Variants in MAF observed in about 807,000 individuals in gnomAD.
The protein encoded by MAF is transcription factor Maf.
MAF carries 10 observed loss-of-function variants against 22.0 expected under a neutral mutation model. The observed-to-expected ratio is 0.45, with a 90% CI of 0.28 to 0.77. MAF has a LOEUF of 0.77. Ranked by LOEUF, MAF falls within the 30% of genes least tolerant of loss-of-function variation. The probability of loss-of-function intolerance (pLI) is 0.12; values close to 1 mark genes in which losing one functional copy is unlikely to be tolerated. For missense variants in MAF, 544 were observed against 548.4 expected, an observed-to-expected ratio of 0.99 and a Z score of 0.08; for synonymous variants, 337 against 255.8, an observed-to-expected ratio of 1.32 and a Z score of -3.03.
chr16:79,370,469 A>G, the MAF span, among the ~76,000 whole-genome samples: 1 of 152,220 alleles, frequency 6.6e-6, no homozygotes, highest in Non-Finnish European at 1.5e-5. Context: ...ACTCAAAGGC[A>G]ACAAAACCAT....
the MAF span, among the ~76,000 whole-genome samples, chr16:79,324,800 T>C: frequency 2.6e-5 from 4 of 152,216 alleles, no homozygotes; most frequent in South Asian, 8.3e-4. Flanking sequence ...GCCACAAACT[T>C]GGTGGCTTAA....
chr16:79,387,553 C>A, the MAF span, among the ~76,000 whole-genome samples: 4 of 152,070 alleles, frequency 2.6e-5, no homozygotes, highest in Admixed American at 2.0e-4. Flanking sequence ...AAGGCAATGG[C>A]GACCAGTGCA....
chr16:79,422,810 C>A, the MAF span, among the ~76,000 whole-genome samples: 1 of 152,148 alleles, frequency 6.6e-6, no homozygotes, highest in East Asian at 1.9e-4. Context: ...AAAAATAATG[C>A]AATTACTTTT....
At chr16:79,407,226 C>T in the MAF span, among the ~76,000 whole-genome samples, 2 of 152,140 alleles carry the variant, frequency 1.3e-5, no homozygotes, top group African/African-American at 4.8e-5. Context: ...GTCCTGGACG[C>T]GTTGCGCAAG....
At chr16:79,248,533 G>T in the MAF span, among the ~76,000 whole-genome samples, 1 of 152,124 alleles carries the variant, frequency 6.6e-6, no homozygotes, top group South Asian at 2.1e-4. Context: ...TGTAACATGG[G>T]TTGGACTGAT....
At chr16:79,534,174 A>G in the MAF span, among the ~76,000 whole-genome samples, 1 of 152,220 alleles carries the variant, frequency 6.6e-6, no homozygotes, top group South Asian at 2.1e-4. Context: ...CTTCTTCCTT[A>G]CCTTTGAAGT....
chr16:79,299,260 C>T, the MAF span, among the ~76,000 whole-genome samples: 3 of 150,986 alleles, frequency 2.0e-5, no homozygotes, highest in East Asian at 1.9e-4. Context: ...ATCCCAGGAA[C>T]GCCTAGCTCA....
In MAF at chr16:79,599,890, G is replaced by T. The variant is rs2143820257; in HGVS notation, c.13C>A (p.Leu5Met). 6.3e-7 allele frequency: 1 copy of T among 1,596,856 alleles called. No homozygotes were observed. Among genetic ancestry groups the T allele is most frequent in the Non-Finnish European group, 8.5e-7 (1 of 1,178,146 alleles). MASELAMSNSDLPTS... is the reference protein window; with the variant it reads MASEMAMSNSDLPTS... ...GGCAGGTCGGAGTTGCTCATTGCCA[G>T]TTCTGATGCCATTCTCCTGCCGCCG... is the stretch of plus-strand genomic sequence containing the variant. The change falls in exon 1 of 2, where the codon CTG becomes ATG. Residue 5 changes from leucine to methionine, a missense_variant. Physicochemically the swap from Leu to Met is conservative, Grantham distance 15. Coordinates refer to ENST00000326043, the MANE Select transcript of MAF (RefSeq NM_005360.5).
chr16:79,410,028 T>C, the MAF span, among the ~76,000 whole-genome samples: 3 of 152,178 alleles, frequency 2.0e-5, no homozygotes, highest in African/African-American at 7.2e-5. Flanking sequence ...GTACACAAGA[T>C]TGAAAACCTA....
At chr16:79,464,704 C>T in the MAF span, among the ~76,000 whole-genome samples, 1 of 152,148 alleles carries the variant, frequency 6.6e-6, no homozygotes, top group Non-Finnish European at 1.5e-5. Context: ...ACAAGCTACA[C>T]CATGGGTCAG....
chr16:79,446,408 G>A, the MAF span, among the ~76,000 whole-genome samples: 2 of 152,064 alleles, frequency 1.3e-5, no homozygotes, highest in African/African-American at 4.8e-5. Flanking sequence ...GACAGCCCCA[G>A]GTTACACCTG....
the MAF span, among the ~76,000 whole-genome samples, chr16:79,480,033 C>A: frequency 6.6e-6 from 1 of 152,130 alleles, no homozygotes; most frequent in Admixed American, 6.5e-5. Flanking sequence ...CATAGACACC[C>A]ATTCTACTCT....
the MAF span, among the ~76,000 whole-genome samples, chr16:79,335,445 T>A: frequency 0.015 from 2,302 of 152,266 alleles, 24 homozygotes; most frequent in Non-Finnish European, 0.025. Flanking sequence ...TATATTTGTA[T>A]TCAATTCAAT....
At chr16:79,489,318 C>T in the MAF span, among the ~76,000 whole-genome samples, 3 of 152,176 alleles carry the variant, frequency 2.0e-5, no homozygotes, top group African/African-American at 7.2e-5. Context: ...TCCATTTATT[C>T]ATTCATCCAT....
At chr16:79,233,646 T>C in the MAF span, among the ~76,000 whole-genome samples, 5 of 152,076 alleles carry the variant, frequency 3.3e-5, no homozygotes, top group Admixed American at 6.6e-5. Flanking sequence ...CGTTAAAACT[T>C]CCCATGGGAT....
the MAF span, among the ~76,000 whole-genome samples, chr16:79,216,981 TG>T: frequency 2.4e-3 from 370 of 152,250 alleles, 1 homozygote; most frequent in African/African-American, 8.1e-3. Context: ...GGCTAATTTT[TG>T]TGTTTTTAGT....
chr16:79,212,265 T>C, the MAF span: 1 of 1,283,978 alleles, frequency 7.8e-7, no homozygotes, highest in Non-Finnish European at 1.0e-6. Context: ...AATTGTTTCA[T>C]TCATCCTGAC....
At chr16:79,441,177 G>A in the MAF span, among the ~76,000 whole-genome samples, 1 of 152,274 alleles carries the variant, frequency 6.6e-6, no homozygotes, top group East Asian at 1.9e-4. Flanking sequence ...TTACACCATT[G>A]CACACAATAC....
At chr16:79,461,303 T>A in the MAF span, among the ~76,000 whole-genome samples, 1 of 152,182 alleles carries the variant, frequency 6.6e-6, no homozygotes, top group Non-Finnish European at 1.5e-5. Flanking sequence ...GTTAACACAA[T>A]AAAATGCATT....
Sources: allele counts gnomAD v4.1 joint callset (sites outside exome capture counted in the v4.1 genomes callset), GRCh38; gene constraint gnomAD v4.1.1; transcripts MANE v1.5; gene names NCBI Gene and HGNC (gene_info 2026-07-23, HGNC 2026-07-21).